KIAA1210: variants seen among roughly 807,000 people sequenced by gnomAD.
The protein encoded by KIAA1210 is acrosomal protein KIAA1210.
In KIAA1210, 48 loss-of-function variants were observed where a neutral mutation model predicts 78.9. The ratio of observed to expected loss-of-function variants is 0.61; its 90% CI spans 0.48 to 0.77. KIAA1210 has a LOEUF of 0.77. KIAA1210 is among the 30% of genes least tolerant of loss of function. KIAA1210 has a pLI of 0.00. For missense variants in KIAA1210, 1,108 were observed against 1,100.0 expected, an observed-to-expected ratio of 1.01 and a Z score of -0.10; for synonymous variants, 406 against 404.5, an observed-to-expected ratio of 1.00 and a Z score of -0.04.
chrX:119,089,569 C>T lies in KIAA1210; in HGVS notation c.1133G>A (p.Gly378Glu). Residue 378 changes from glycine to glutamate, a missense_variant, in exon 9 of 12, where the codon GGA becomes GAA. Around this residue, in one of 5 missense-constraint regions of KIAA1210, gnomAD observed 672 missense variants for 607.1 expected, o/e 1.11. Coordinates refer to ENST00000691062, the MANE Select transcript of KIAA1210 (RefSeq NM_001394962.1). The part of the protein sequence containing the change: ...VSGLSGCEFK[G>E]RSLKQSSEGY... ...TTCACTGGATTGTTTAAGGCTTCTT[C>T]CTTTGAATTCACACCCACTCAATCC... 8.3e-7 allele frequency: 1 copy of T among 1,211,453 alleles called. No individual in the cohort carries two copies.
In KIAA1210 at chrX:119,078,866, GTGT is replaced by G. The variant is rs761839449; in HGVS notation, c.*2460_*2462del. 1.8e-5 allele frequency: 2 copies of G among 111,016 alleles called. No homozygotes were observed. The highest frequency in any genetic ancestry group is 6.5e-5 in the African/African-American group (2 of 30,570). The allele number at this position is 111,016 out of a possible 1,213,427, so 9.1% of individuals were successfully genotyped here. On this transcript the variant is annotated 3_prime_UTR_variant, in exon 12 of 12. Coordinates refer to ENST00000691062, the MANE Select transcript of KIAA1210 (RefSeq NM_001394962.1). The stretch of plus-strand genomic sequence containing the variant: ...AAAAAGGAAGGGAGGTGTAACAGCT[GTGT>G]TGTTAACTGTGGAAAAGAAATTGTT...
In KIAA1210 at chrX:119,086,685, T is replaced by C. The variant is rs377493200; in HGVS notation, c.4017A>G (p.Gly1339=). The change falls in exon 9 of 12, where the codon GGA becomes GGG. Residue 1339 remains glycine (G), a synonymous_variant. Transcript: ENST00000691062. ...SGPISSSVGR[G]HKIRSTSQGL... is the part of the protein sequence containing the mutation. ...CCTGGGAAGTGCTTCTGATTTTATG[T>C]CCCCTGCCTACAGAGGATGAAATTG... is the stretch of plus-strand genomic sequence containing the variant. 14 of 1,209,718 alleles carry C rather than the reference T, an allele frequency of 1.2e-5. No individual in the cohort carries two copies. In the African/African-American group the frequency reaches 2.4e-4, roughly 21 times the overall value.
chrX:119,121,771 A>T (rs1928466305), intron 2 of KIAA1210, among the ~76,000 whole-genome samples: 1 of 108,709 alleles, frequency 9.2e-6, no homozygotes, highest in Non-Finnish European at 1.9e-5. Context: ...GTTTTTATTT[A>T]TTATTTTTTT....
chrX:119,134,940 C>T (rs1172826540), intron 2 of KIAA1210, among the ~76,000 whole-genome samples: 1 of 112,501 alleles, frequency 8.9e-6, no homozygotes, highest in Non-Finnish European at 1.9e-5. Flanking sequence ...TTGCTGAGTC[C>T]TCAGTCTGTG....
chrX:119,134,902 T>C (rs1310325161), intron 2 of KIAA1210, among the ~76,000 whole-genome samples: 1 of 112,566 alleles, frequency 8.9e-6, no homozygotes, highest in Non-Finnish European at 1.9e-5. Context: ...GGGCAATTAA[T>C]ATTATGCAAT....
rs1001106086 is a variant in KIAA1210, at chrX:119,079,845, C to G, written c.*1484G>C. ...ATGAGAGGGGAAAAGCTGATTTACT[C>G]ACTTAAAGCTTCCAGGTAGCGGAAA... On this transcript the variant is annotated 3_prime_UTR_variant, in exon 12 of 12. Transcript: ENST00000691062. The G allele has an allele frequency of 1.8e-5, 2 of 111,782 alleles. No homozygotes were observed. Among genetic ancestry groups the G allele is most frequent in the Non-Finnish European group, 1.9e-5 (1 of 53,171 alleles). 9.2% of individuals were successfully genotyped at this position (111,782 alleles called of 1,213,427 possible).
intron 2 of KIAA1210, among the ~76,000 whole-genome samples, chrX:119,120,970 A>G (rs1241140806): frequency 9.0e-6 from 1 of 111,048 alleles, no homozygotes; most frequent in African/African-American, 3.3e-5. Context: ...GCAAGGGTCT[A>G]TGTCTTCAGC....
chrX:119,085,606 T>C (rs1927107619), intron 9 of KIAA1210, 60 bp from the exon 10 acceptor site: 3 of 1,044,164 alleles, frequency 2.9e-6, no homozygotes, highest in Non-Finnish European at 3.9e-6. Flanking sequence ...TTGAGCCTGG[T>C]TGGGGCTTAC....
chrX:119,095,980 C>T (rs951869233), intron 7 of KIAA1210, among the ~76,000 whole-genome samples: 2 of 111,761 alleles, frequency 1.8e-5, no homozygotes, highest in Admixed American at 1.9e-4. Context: ...GTTTTTAACA[C>T]AGTAGGTCTG....
At position 119,116,552 on chromosome X, in the gene KIAA1210, G is replaced by C. The variant is rs1928272616; in HGVS notation, c.174C>G (p.Ser58Arg). 1 of 1,211,402 alleles carries C rather than the reference G, an allele frequency of 8.3e-7. No individual in the cohort carries two copies. The highest frequency in any genetic ancestry group is 2.2e-5 in the Admixed American group (1 of 46,089). Residue 58 changes from serine to arginine, a missense_variant, in exon 3 of 12, where the codon AGC (serine) becomes AGG (arginine). Around this residue, in one of 5 missense-constraint regions of KIAA1210, gnomAD observed 672 missense variants for 607.1 expected, o/e 1.11. Transcript: ENST00000691062. ...GCTGCAGAGAAGAGATGTTAATGTT[G>C]CTGCTGGACAAGCTCAGTTCTAGCA... ...EEMLELSLSS[S>R]NINISSLQPV...
At chrX:119,119,137 A>G in intron 2 of KIAA1210, among the ~76,000 whole-genome samples, 1 of 112,646 alleles carries the variant, frequency 8.9e-6, no homozygotes, top group African/African-American at 3.2e-5. Flanking sequence ...AGCTTAGCAT[A>G]TGATCTGGCA....
chrX:119,135,647 G>A (rs923046772), intron 2 of KIAA1210, among the ~76,000 whole-genome samples: 2 of 112,145 alleles, frequency 1.8e-5, no homozygotes, highest in Admixed American at 9.5e-5. Flanking sequence ...TGTGTCTAAG[G>A]CTTTTGATCT....
At chrX:119,110,952 A>C (rs1231903806) in intron 3 of KIAA1210, among the ~76,000 whole-genome samples, 1 of 110,488 alleles carries the variant, frequency 9.1e-6, no homozygotes, top group Admixed American at 9.6e-5. Context: ...TGATCTTAAA[A>C]TTCATAGTGA....
At position 119,133,366 on chromosome X, in the gene KIAA1210, T is replaced by C. The variant is rs141080662; in HGVS notation, c.411-9714A>G. On this transcript the variant is annotated intron_variant, in intron 2 of 13. Transcript: ENST00000402510. ...ACTCCACGAGTCCACCAGTAGTCAG[T>C]ATGATTCCATTGTGGAAAGTCACCC... is the stretch of plus-strand genomic sequence containing the variant. Among the ~76,000 whole-genome samples, 359 of 111,659 alleles carry C rather than the reference T, an allele frequency of 3.2e-3. 4 individuals carry two copies. Among genetic ancestry groups the C allele is most frequent in the African/African-American group, 0.011 (342 of 30,728 alleles).
rs373215414 is a variant in KIAA1210 at position 119,086,655 on chromosome X, G to A, written c.4047C>T (p.Leu1349=). ...GHKIRSTSQG[L]LDAAGNLTKI... ...TGGTGAGGTTCCCTGCAGCATCCAGGAGCCCCTGGGAAGTGCTTCTGATTT... is the reference window on the plus strand; with the variant it reads ...TGGTGAGGTTCCCTGCAGCATCCAGAAGCCCCTGGGAAGTGCTTCTGATTT... Residue 1349 remains leucine (L), a synonymous_variant, in exon 9 of 12, where the codon CTC becomes CTT. Transcript: ENST00000691062. 4.1e-6 allele frequency: 5 copies of A among 1,209,389 alleles called. No individual in the cohort carries two copies. In the African/African-American group the frequency reaches 8.8e-5, roughly 21 times the overall value.
chrX:119,140,787 G>GGGCATGGC (rs377586698), intron 2 of KIAA1210, among the ~76,000 whole-genome samples: 4,846 of 111,680 alleles, frequency 0.043, 281 homozygotes, highest in African/African-American at 0.15. Flanking sequence ...TTCAAAAATA[G>GGGCATGGC]GGCATGGCTG....
chrX:119,141,119 G>A (rs766475183), intron 2 of KIAA1210, among the ~76,000 whole-genome samples: 3 of 111,639 alleles, frequency 2.7e-5, no homozygotes, highest in East Asian at 2.8e-4. Context: ...CGTGCTCCCA[G>A]GACCCTTTCC....
Position 119,089,293 on chromosome X carries a change from A to G in KIAA1210, c.1409T>C (p.Val470Ala), listed in dbSNP as rs763333422. The stretch of plus-strand genomic sequence containing the variant: ...TTCATGGTATGGTTGTGGATCACTA[A>G]CCATGGAATTGTCCATGTTTTCAGG... ...PIPENMDNSM[V>A]SDPQPYHEDA... The change falls in exon 9 of 12, where the codon GTT becomes GCT. Residue 470 changes from valine (V) to alanine (A), a missense_variant. By Grantham distance (64) the Val-to-Ala change is moderately conservative. This residue lies in a region of KIAA1210 where 672 missense variants were observed against 607.1 expected (regional missense o/e 1.11). Coordinates refer to ENST00000691062, the MANE Select transcript of KIAA1210 (RefSeq NM_001394962.1). 5 of 1,210,053 alleles carry G rather than the reference A, an allele frequency of 4.1e-6. No individual in the cohort carries two copies. In the South Asian group the frequency reaches 7.0e-5, roughly 17 times the overall value.
intron 6 of KIAA1210, among the ~76,000 whole-genome samples, chrX:119,101,849 C>T (rs1255128695): frequency 8.9e-6 from 1 of 111,931 alleles, no homozygotes; most frequent in Admixed American, 9.5e-5. Flanking sequence ...CTAGCTATAC[C>T]ACTTATTGGC....
Sources: gnomAD v4.1 joint callset for allele counts (sites outside exome capture counted in the v4.1 genomes callset) on GRCh38, gnomAD v4.1.1 for gene constraint, gnomAD v4.1.1 regional missense constraint, MANE v1.5 for transcripts, NCBI Gene and HGNC (gene_info 2026-07-23, HGNC 2026-07-21) for gene names.